ADGRE1: variants seen among roughly 807,000 people sequenced by gnomAD.
The protein encoded by ADGRE1 is EGF-like module receptor 1.
A neutral mutation model predicts 102.7 loss-of-function variants in ADGRE1; 82 were observed. The ratio of observed to expected loss-of-function variants is 0.80; its 90% CI spans 0.67 to 0.96. The LOEUF is 0.96. Ranked by LOEUF, ADGRE1 falls within the 40% of genes least tolerant of loss-of-function variation. ADGRE1 has a pLI of 0.00. For synonymous variants in ADGRE1, 398 were observed against 399.6 expected (o/e 1.00, Z 0.05); for missense variants, 1,032 against 1,085.3 (o/e 0.95, Z 0.69).
At chr19:6,887,968 G>T (rs1311745889) in intron 1 of ADGRE1, among the ~76,000 whole-genome samples, 1 of 152,190 alleles carries the variant, frequency 6.6e-6, no homozygotes. Context: ...GGAGCAGACA[G>T]GAAAGAAGGC....
chr19:6,928,912 C>T (rs930327275), intron 17 of ADGRE1, among the ~76,000 whole-genome samples: 1 of 149,864 alleles, frequency 6.7e-6, no homozygotes, highest in Non-Finnish European at 1.5e-5. Context: ...GCACTCCAGC[C>T]TAGGCAACAA....
chr19:6,908,059 T>C (rs548346704), intron 9 of ADGRE1, among the ~76,000 whole-genome samples: 2 of 152,212 alleles, frequency 1.3e-5, no homozygotes. Context: ...AGGTTGTGGG[T>C]TTACCGGAAT....
chr19:6,893,871 G>A lies in ADGRE1; in HGVS notation c.95-2527G>A, dbSNP rs141733414. Among the ~76,000 whole-genome samples the A allele has an allele frequency of 8.5e-4, 130 of 152,326 alleles. 1 individual carries two copies. In the East Asian group the frequency reaches 0.016, roughly 19 times the overall value. ...AAAATAGAGGCAATGGCAGGGCTGC[G>A]TTCCTTCTGGATGCTGTACGGAAGA... On this transcript the variant is annotated intron_variant, in intron 2 of 20. Transcript: ENST00000312053.
chr19:6,924,790 C>A lies in ADGRE1; in HGVS notation c.1904C>A (p.Thr635Asn). ...TGTCGCTCCATCCGAAATCACAACA[C>A]CTACCTCCACCTGCACCTCTGCGTG... Reference protein sequence around the residue: ...LLCRSIRNHNTYLHLHLCVCL... With the variant: ...LLCRSIRNHNNYLHLHLCVCL... Residue 635 changes from threonine (T) to asparagine (N), a missense_variant, in exon 15 of 21, where the codon ACC becomes AAC. Coordinates refer to ENST00000312053, the MANE Select transcript of ADGRE1 (RefSeq NM_001974.5). 1 of 1,614,166 alleles carries A rather than the reference C, an allele frequency of 6.2e-7. No homozygotes were observed. The highest frequency in any genetic ancestry group is 8.5e-7 in the Non-Finnish European group (1 of 1,180,038).
intron 18 of ADGRE1, among the ~76,000 whole-genome samples, 200 bp downstream of exon 18, chr19:6,935,278 A>T (rs12980952): frequency 1.3e-5 from 2 of 152,086 alleles, no homozygotes; most frequent in Admixed American, 1.3e-4. Flanking sequence ...TAGGCAAGTT[A>T]CGTAACCTCT....
In ADGRE1 at chr19:6,906,526, G is replaced by A. The variant is rs781467621; in HGVS notation, c.1038+5G>A. The A allele has an allele frequency of 4.3e-6, 7 of 1,611,908 alleles. No individual in the cohort carries two copies. The highest frequency in any genetic ancestry group is 5.9e-6 in the Non-Finnish European group (7 of 1,178,912). On this transcript the variant is annotated splice_donor_5th_base_variant and intron_variant, in intron 9 of 20. Transcript: ENST00000312053. ...ACCGCAGTGAAACCTGCATATGCAA[G>A]TATTTTTTAAGGTTCCTAGTTTTTG...
At chr19:6,905,777 TGGA>T (rs1973929578) in intron 8 of ADGRE1, among the ~76,000 whole-genome samples, 1 of 152,330 alleles carries the variant, frequency 6.6e-6, no homozygotes, top group South Asian at 2.1e-4. Flanking sequence ...TGTAACTTAT[TGGA>T]GGCAATGAAG....
chr19:6,892,777 G>A (rs1973427941), intron 2 of ADGRE1, among the ~76,000 whole-genome samples: 1 of 152,164 alleles, frequency 6.6e-6, no homozygotes, highest in African/African-American at 2.4e-5. Flanking sequence ...TTGCTATTCG[G>A]CCATAAAAAG....
At position 6,901,959 on chromosome 19, in the gene ADGRE1, A is replaced by G. The variant is rs1207422171; in HGVS notation, c.599A>G (p.Asn200Ser). The G allele has an allele frequency of 1.9e-6, 3 of 1,614,212 alleles. No homozygotes were observed. Among genetic ancestry groups the G allele is most frequent in the Non-Finnish European group, 1.7e-6 (2 of 1,180,036 alleles). ...GTTGGAAACTACTCTTGTTTCTGCA[A>G]CCCAGGATTTGAATCCAGCAGTGGC... ...NTVGNYSCFC[N>S]PGFESSSGHL... Residue 200 changes from asparagine (N) to serine (S), a missense_variant, in exon 6 of 21, where the codon AAC (asparagine) becomes AGC (serine). Physicochemically the swap from Asn to Ser is conservative, Grantham distance 46 (BLOSUM62 1). Coordinates refer to ENST00000312053, the MANE Select transcript of ADGRE1 (RefSeq NM_001974.5).
intron 9 of ADGRE1, among the ~76,000 whole-genome samples, chr19:6,908,247 G>A (rs1320390205): frequency 6.6e-6 from 1 of 152,198 alleles, no homozygotes; most frequent in Admixed American, 6.5e-5. Flanking sequence ...GATACTTTTA[G>A]TTAATCTAAT....
Position 6,896,775 on chromosome 19 carries a change from C to T in ADGRE1, c.238+234C>T, listed in dbSNP as rs1464716357. 8 of 426,156 alleles carry T rather than the reference C, an allele frequency of 1.9e-5. No homozygotes were observed. The Admixed American group carries it at 3.2e-4, about 17-fold the overall frequency. The allele number at this position is 426,156 out of a possible 1,614,324, so 26.4% of individuals were successfully genotyped here. A position where few individuals can be genotyped will look rare whatever the true frequency, so the allele number is the denominator to read the frequency against. On this transcript the variant is annotated intron_variant, in intron 3 of 20. Coordinates refer to ENST00000312053, the MANE Select transcript of ADGRE1 (RefSeq NM_001974.5). ...TGTTGCTAGCAAACATGATTTTCTT[C>T]CTTCCTTCCTTCCTTCCTTGCTACT...
intron 5 of ADGRE1, chr19:6,898,170 A>G (rs1368243076): frequency 4.2e-6 from 3 of 709,348 alleles, no homozygotes; most frequent in African/African-American, 3.6e-5. Context: ...ATGGGGACGT[A>G]CCTTCCATTG....
Position 6,897,156 on chromosome 19 carries a change from T to C in ADGRE1, c.246T>C (p.Asp82=). The C allele has an allele frequency of 3.7e-6, 6 of 1,611,728 alleles. No homozygotes were observed. The highest frequency in any genetic ancestry group is 5.1e-6 in the Non-Finnish European group (6 of 1,179,496). ...CTCCAATTCTCTGTCTAGATATTGATGAATGTTCTCAAAGCCCCCAGCCCT... is the reference window on the plus strand; with the variant it reads ...CTCCAATTCTCTGTCTAGATATTGACGAATGTTCTCAAAGCCCCCAGCCCT... ...KDPGVRCKDI[D]ECSQSPQPCG... is the part of the protein sequence containing the mutation. The change falls in exon 4 of 21, where the codon GAT becomes GAC. Residue 82 remains aspartate, a synonymous_variant. Transcript: ENST00000312053.
chr19:6,910,354 A>C (rs1316169577), intron 10 of ADGRE1, among the ~76,000 whole-genome samples: 1 of 152,036 alleles, frequency 6.6e-6, no homozygotes, highest in Non-Finnish European at 1.5e-5. Flanking sequence ...TTACAAATCT[A>C]ATAGGCAAAG....
Position 6,893,063 on chromosome 19 carries a change from C to T in ADGRE1, c.94+2520C>T, listed in dbSNP as rs116348314. ...AGATAATGATGATGATGATTTTTAG[C>T]TCCCACGTAGGAACGAGAACATGCA... is the stretch of plus-strand genomic sequence containing the variant. On this transcript the variant is annotated intron_variant, in intron 2 of 20. Transcript: ENST00000312053. Among the ~76,000 whole-genome samples the T allele has an allele frequency of 1.2e-3, 182 of 152,272 alleles. 3 individuals carry two copies. Among genetic ancestry groups the T allele is most frequent in the African/African-American group, 4.2e-3 (175 of 41,554 alleles).
At chr19:6,916,940 A>T (rs995154586) in intron 12 of ADGRE1, among the ~76,000 whole-genome samples, 4 of 152,190 alleles carry the variant, frequency 2.6e-5, no homozygotes, top group Non-Finnish European at 2.9e-5. Flanking sequence ...TAGAAAATTT[A>T]AAATTACATA....
rs771025968 is a variant in ADGRE1 at position 6,896,419 on chromosome 19, C to A, written c.116C>A (p.Thr39Asn). The change falls in exon 3 of 21, where the codon ACC (threonine) becomes AAC (asparagine). Residue 39 changes from threonine (T) to asparagine (N), a missense_variant. Physicochemically the swap from Thr to Asn is moderately conservative, Grantham distance 65. Coordinates refer to ENST00000312053, the MANE Select transcript of ADGRE1 (RefSeq NM_001974.5). Reference protein sequence around the residue: ...NTKGNNCRDSTLCPAYATCTN... With the variant: ...NTKGNNCRDSNLCPAYATCTN... ...CTAGGTAATAACTGTAGAGACAGTA[C>A]CTTGTGCCCAGCTTATGCCACCTGC... 7.8e-5 allele frequency: 126 copies of A among 1,613,960 alleles called. No individual in the cohort carries two copies. The highest frequency in any genetic ancestry group is 1.8e-4 in the East Asian group (8 of 44,890).
chr19:6,935,343 G>A (rs1975357221), intron 18 of ADGRE1, among the ~76,000 whole-genome samples: 1 of 152,022 alleles, frequency 6.6e-6, no homozygotes, highest in African/African-American at 2.4e-5. Flanking sequence ...GCTTATTTTA[G>A]GTGCCTTACA....
At chr19:6,912,222 C>G (rs1489294620) in intron 10 of ADGRE1, among the ~76,000 whole-genome samples, 1 of 151,548 alleles carries the variant, frequency 6.6e-6, no homozygotes, top group Non-Finnish European at 1.5e-5. Flanking sequence ...ATACACACAC[C>G]CACATATATA....
Sources: allele counts gnomAD v4.1 joint callset (sites outside exome capture counted in the v4.1 genomes callset), GRCh38; gene constraint gnomAD v4.1.1; transcripts MANE v1.5; gene names NCBI Gene and HGNC (gene_info 2026-07-23, HGNC 2026-07-21).